MTCL2: variants seen among roughly 807,000 people sequenced by gnomAD.
MTCL2 encodes microtubule crosslinking factor 2, also known as microtubule cross-linking factor 2.
At chr20:36,801,529 A>G in the MTCL2 span, among the ~76,000 whole-genome samples, 10 of 151,228 alleles carry the variant, frequency 6.6e-5, no homozygotes, top group Non-Finnish European at 1.3e-4. Context: ...TGGGCCATAC[A>G]GTAAGACCTC....
the MTCL2 span, among the ~76,000 whole-genome samples, chr20:36,861,232 C>T: frequency 6.6e-6 from 1 of 152,196 alleles, no homozygotes; most frequent in African/African-American, 2.4e-5. Context: ...CCTCCTCCTC[C>T]TCACCTTCCA....
At chr20:36,847,222 A>G in the MTCL2 span, among the ~76,000 whole-genome samples, 1 of 152,182 alleles carries the variant, frequency 6.6e-6, no homozygotes, top group African/African-American at 2.4e-5. Context: ...ATTCCAAACA[A>G]GCCACGTGGC....
chr20:36,835,628 C>T, the MTCL2 span, among the ~76,000 whole-genome samples: 43 of 152,304 alleles, frequency 2.8e-4, no homozygotes, highest in East Asian at 8.1e-3. Flanking sequence ...CAAAACCCCC[C>T]AGAACGACCC....
chr20:36,833,225 T>G, the MTCL2 span, among the ~76,000 whole-genome samples: 1 of 152,156 alleles, frequency 6.6e-6, no homozygotes, highest in Non-Finnish European at 1.5e-5. Flanking sequence ...AATACAAGTA[T>G]TAATAATAAA....
chr20:36,815,279 C>T, the MTCL2 span: 1 of 1,613,894 alleles, frequency 6.2e-7, no homozygotes, highest in South Asian at 1.1e-5. The surrounding 1 kb of genome is among the most constrained non-coding windows in gnomAD (Gnocchi z 5.3). Flanking sequence ...TCAGCTCCTG[C>T]TGCAGCACGC....
the MTCL2 span, among the ~76,000 whole-genome samples, chr20:36,837,261 G>C: frequency 2.6e-5 from 4 of 152,170 alleles, no homozygotes; most frequent in African/African-American, 9.7e-5. Context: ...GGCCGGGCCT[G>C]GGGGCCCTGG....
chr20:36,843,439 C>A, the MTCL2 span, among the ~76,000 whole-genome samples: 2 of 151,988 alleles, frequency 1.3e-5, no homozygotes, highest in African/African-American at 4.8e-5. Context: ...CCCCCACCCC[C>A]ACCTCCACCC....
chr20:36,821,147 A>G, the MTCL2 span, among the ~76,000 whole-genome samples: 21 of 152,362 alleles, frequency 1.4e-4, no homozygotes, highest in East Asian at 3.7e-3. Context: ...TTGTCCTTGG[A>G]GGTATGCTAG....
the MTCL2 span, chr20:36,809,983 T>G: frequency 6.2e-7 from 1 of 1,600,550 alleles, no homozygotes; most frequent in Non-Finnish European, 8.5e-7. Context: ...ACCACGCACC[T>G]GGACCATTTT....
chr20:36,837,769 G>C, the MTCL2 span, among the ~76,000 whole-genome samples: 2 of 151,938 alleles, frequency 1.3e-5, no homozygotes, highest in Non-Finnish European at 2.9e-5. Context: ...TAGAGATGGG[G>C]TTTCACCATG....
At chr20:36,790,820 C>T in the MTCL2 span, among the ~76,000 whole-genome samples, 1 of 151,604 alleles carries the variant, frequency 6.6e-6, no homozygotes. Context: ...AGTGATCTGC[C>T]CACCTCAGTC....
the MTCL2 span, among the ~76,000 whole-genome samples, chr20:36,813,002 A>C: frequency 8.5e-5 from 13 of 152,142 alleles, no homozygotes; most frequent in Admixed American, 6.5e-4. Flanking sequence ...TGCAACCCAG[A>C]CCCAGCCCCA....
the MTCL2 span, chr20:36,815,840 C>T: frequency 5.6e-6 from 9 of 1,598,752 alleles, no homozygotes; most frequent in South Asian, 7.9e-5. The surrounding 1 kb of genome is among the most constrained non-coding windows in gnomAD (Gnocchi z 5.3). Context: ...TGTTCTGGTC[C>T]TCGAGCTCGG....
At chr20:36,790,283 G>A in the MTCL2 span, among the ~76,000 whole-genome samples, 135 of 151,766 alleles carry the variant, frequency 8.9e-4, no homozygotes, top group African/African-American at 2.8e-3. Context: ...GAGCCACTGC[G>A]CCCGGCCAAT....
the MTCL2 span, chr20:36,777,597 A>G: frequency 1.1e-5 from 5 of 454,830 alleles, no homozygotes; most frequent in Admixed American, 4.4e-5. Flanking sequence ...GATCCATCCT[A>G]GGAAGGAGCC....
the MTCL2 span, chr20:36,785,550 C>T: frequency 2.0e-6 from 2 of 985,392 alleles, no homozygotes; most frequent in Non-Finnish European, 2.4e-6. Flanking sequence ...ATATCTTTGC[C>T]CCCCGACCAG....
the MTCL2 span, chr20:36,782,926 T>C: frequency 6.6e-6 from 1 of 151,562 alleles, no homozygotes; most frequent in African/African-American, 2.4e-5. Context: ...ATGGAAGAAG[T>C]AGTGGGAGCT....
chr20:36,796,542 G>C, the MTCL2 span, among the ~76,000 whole-genome samples: 1 of 152,214 alleles, frequency 6.6e-6, no homozygotes, highest in African/African-American at 2.4e-5. Flanking sequence ...GGTCAATCTT[G>C]ACTCTCCTAA....
At chr20:36,810,138 A>T in the MTCL2 span, 1 of 1,565,012 alleles carries the variant, frequency 6.4e-7, no homozygotes, top group Middle Eastern at 1.7e-4. Context: ...ACAGATAATG[A>T]GGAGGGAGAG....
Sources: allele counts gnomAD v4.1 joint callset (sites outside exome capture counted in the v4.1 genomes callset), GRCh38; gene constraint gnomAD v4.1.1; non-coding constraint Gnocchi (gnomAD v3.1); transcripts MANE v1.5; gene names NCBI Gene and HGNC (gene_info 2026-07-23, HGNC 2026-07-21).